DPP10: variants seen among roughly 807,000 people sequenced by gnomAD.
The protein encoded by DPP10 is inactive dipeptidyl peptidase 10.
In DPP10, 33 loss-of-function variants were observed where a neutral mutation model predicts 120.9. That is an observed-to-expected ratio of 0.27 (90% CI 0.21 to 0.37). The LOEUF (loss-of-function observed/expected upper bound fraction) is 0.37. Ranked by LOEUF, DPP10 falls within the 10% of genes least tolerant of loss-of-function variation. The pLI is 1.00. For synonymous variants in DPP10, 337 were observed against 326.1 expected (o/e 1.03, Z -0.36); for missense variants, 816 against 942.8 (o/e 0.87, Z 1.76).
intron 1 of DPP10, among the ~76,000 whole-genome samples, chr2:114,926,882 G>A (rs542031629): frequency 7.9e-5 from 11 of 138,722 alleles, no homozygotes; most frequent in Admixed American, 2.4e-4. Flanking sequence ...ACAGAGTCTC[G>A]CTATGTCCCC....
chr2:115,265,173 T>C (rs1282616820), intron 1 of DPP10, among the ~76,000 whole-genome samples: 2 of 152,082 alleles, frequency 1.3e-5, no homozygotes, highest in East Asian at 1.9e-4. Flanking sequence ...TGAATAAAAT[T>C]TGATCTTGCC....
chr2:114,475,836 T>C (rs1030481758), intron 1 of DPP10, among the ~76,000 whole-genome samples: 1 of 152,182 alleles, frequency 6.6e-6, no homozygotes, highest in African/African-American at 2.4e-5. Flanking sequence ...GGTGGATCAA[T>C]AGGAACTCTC....
chr2:115,177,202 G>A (rs145607833), intron 1 of DPP10, among the ~76,000 whole-genome samples: 1,712 of 152,248 alleles, frequency 0.011, 24 homozygotes, highest in African/African-American at 0.029. Context: ...GTACATGTAC[G>A]TGTGTGTATA....
At chr2:115,257,007 C>T (rs959625376) in intron 1 of DPP10, among the ~76,000 whole-genome samples, 5 of 152,232 alleles carry the variant, frequency 3.3e-5, no homozygotes, top group African/African-American at 1.2e-4. Flanking sequence ...CACTAAGGCA[C>T]AACATGTATG....
At position 115,363,452 on chromosome 2, in the gene DPP10, T is replaced by C. The variant is rs76096854; in HGVS notation, c.271+19540T>C. Reference sequence around the variant, plus strand: ...CAGTGGTCTGAACCATTCAGCTGTGTTGTTCTCTAAGGCCCAACCAACCAC... The same window carrying C: ...CAGTGGTCTGAACCATTCAGCTGTGCTGTTCTCTAAGGCCCAACCAACCAC... On this transcript the variant is annotated intron_variant, in intron 3 of 25. Coordinates refer to ENST00000410059, the MANE Select transcript of DPP10 (RefSeq NM_020868.6). Among the ~76,000 whole-genome samples, 751 of 152,284 alleles carry C rather than the reference T, an allele frequency of 4.9e-3. 35 individuals are homozygous for C. The East Asian group carries it at 0.12, about 25-fold the overall frequency.
At chr2:115,481,463 A>G (rs1233844421) in intron 3 of DPP10, among the ~76,000 whole-genome samples, 1 of 152,162 alleles carries the variant, frequency 6.6e-6, no homozygotes, top group East Asian at 1.9e-4. Context: ...CCGGTATTGC[A>G]GTAAGTAGGC....
At chr2:115,058,119 T>C (rs1482204105) in intron 1 of DPP10, among the ~76,000 whole-genome samples, 1 of 152,176 alleles carries the variant, frequency 6.6e-6, no homozygotes, top group African/African-American at 2.4e-5. Context: ...GTCCACAACC[T>C]GCCACAAGAA....
At chr2:115,188,440 A>G (rs1475253636) in intron 1 of DPP10, among the ~76,000 whole-genome samples, 1 of 152,214 alleles carries the variant, frequency 6.6e-6, no homozygotes, top group Admixed American at 6.5e-5. Flanking sequence ...TTTTCACGGA[A>G]ATTAACTCAG....
At chr2:114,741,669 T>A (rs1165006232) in intron 1 of DPP10, among the ~76,000 whole-genome samples, 5 of 151,858 alleles carry the variant, frequency 3.3e-5, no homozygotes, top group African/African-American at 1.2e-4. Context: ...CATTAGGGAG[T>A]CTCTAATCCA....
chr2:115,082,187 C>T (rs1708327490), intron 1 of DPP10, among the ~76,000 whole-genome samples: 1 of 152,120 alleles, frequency 6.6e-6, no homozygotes, highest in African/African-American at 2.4e-5. Context: ...GGCATTTTAA[C>T]AGTAAGAGTA....
chr2:115,465,748 T>A (rs1049277014), intron 3 of DPP10, among the ~76,000 whole-genome samples: 1 of 152,022 alleles, frequency 6.6e-6, no homozygotes, highest in Non-Finnish European at 1.5e-5. Flanking sequence ...CTTGAACCCA[T>A]AAGGCAGAGG....
chr2:115,166,870 A>T (rs1042847760), intron 1 of DPP10, among the ~76,000 whole-genome samples: 20 of 152,354 alleles, frequency 1.3e-4, no homozygotes, highest in African/African-American at 4.8e-4. Flanking sequence ...TTATGATTAC[A>T]GAATGTCTTA....
intron 5 of DPP10, among the ~76,000 whole-genome samples, chr2:115,593,257 A>G (rs542813672): frequency 6.6e-6 from 1 of 152,158 alleles, no homozygotes; most frequent in Admixed American, 6.5e-5. Flanking sequence ...AAGCATTTCT[A>G]TGGAAACAGA....
At chr2:115,445,969 G>A (rs1369727301) in intron 3 of DPP10, among the ~76,000 whole-genome samples, 1 of 151,968 alleles carries the variant, frequency 6.6e-6, no homozygotes, top group Non-Finnish European at 1.5e-5. Context: ...CCAGCTGCGG[G>A]TCTAGGAGGT....
At chr2:115,389,259 C>G (rs2067161668) in intron 3 of DPP10, among the ~76,000 whole-genome samples, 1 of 122,604 alleles carries the variant, frequency 8.2e-6, no homozygotes, top group African/African-American at 3.2e-5. Context: ...TATGCTTTTA[C>G]TAAACACACA....
At chr2:114,986,344 G>A (rs1396934) in intron 1 of DPP10, among the ~76,000 whole-genome samples, 27,348 of 152,136 alleles carry the variant, frequency 0.18, 2,601 homozygotes, top group Admixed American at 0.25. Flanking sequence ...TGGGTTTTGA[G>A]CATATCTTAA....
At chr2:114,840,355 G>C (rs529900517) in intron 1 of DPP10, among the ~76,000 whole-genome samples, 12 of 152,084 alleles carry the variant, frequency 7.9e-5, no homozygotes, top group Non-Finnish European at 1.2e-4. Flanking sequence ...CAAATGGAGG[G>C]CGAGGGGCAT....
chr2:115,003,411 G>T (rs1191891601), intron 1 of DPP10, among the ~76,000 whole-genome samples: 2 of 151,790 alleles, frequency 1.3e-5, no homozygotes, highest in Non-Finnish European at 2.9e-5. Flanking sequence ...ACCTTATTGG[G>T]TACTATGCTC....
At chr2:114,749,174 A>C (rs1469499300) in intron 1 of DPP10, among the ~76,000 whole-genome samples, 2 of 146,232 alleles carry the variant, frequency 1.4e-5, no homozygotes, top group Non-Finnish European at 1.5e-5. Context: ...GCATTTTTTC[A>C]TGTGTTTTTT....
Sources: gnomAD v4.1 joint callset for allele counts (sites outside exome capture counted in the v4.1 genomes callset) on GRCh38, gnomAD v4.1.1 for gene constraint, MANE v1.5 for transcripts, NCBI Gene and HGNC (gene_info 2026-07-23, HGNC 2026-07-21) for gene names.